RBFOX1: variants seen among roughly 807,000 people sequenced by gnomAD.
RBFOX1 encodes RNA binding fox-1 homolog 1, also known as RNA binding protein fox-1 homolog 1.
RBFOX1 carries 8 observed loss-of-function variants against 57.7 expected under a neutral mutation model. The observed-to-expected ratio is 0.14, with a 90% confidence interval of 0.08 to 0.25. RBFOX1 has a LOEUF of 0.25. Ranked by LOEUF, RBFOX1 falls within the 10% of genes least tolerant of loss-of-function variation. The pLI is 1.00. For synonymous variants in RBFOX1, 326 were observed against 222.4 expected, an observed-to-expected ratio of 1.47 and a Z score of -4.15; for missense variants, 611 against 548.5, an observed-to-expected ratio of 1.11 and a Z score of -1.14.
At chr16:5,517,734 C>T (rs1268964698) in intron 2 of RBFOX1, among the ~76,000 whole-genome samples, 1 of 152,142 alleles carries the variant, frequency 6.6e-6, no homozygotes, top group East Asian at 1.9e-4. Context: ...TTTTTCTTTC[C>T]TTGTTTACTT....
intron 4 of RBFOX1, among the ~76,000 whole-genome samples, chr16:7,184,798 T>C (rs1156841481): frequency 6.6e-6 from 1 of 152,212 alleles, no homozygotes. Context: ...TGTGCCTCTA[T>C]GTATCAACTC....
At chr16:5,555,416 A>C (rs551462106) in intron 2 of RBFOX1, among the ~76,000 whole-genome samples, 1 of 151,486 alleles carries the variant, frequency 6.6e-6, no homozygotes, top group South Asian at 2.1e-4. Context: ...AGGCCTGGCA[A>C]ATTTTTGTAT....
At chr16:5,446,654 G>A (rs957725286) in intron 1 of RBFOX1, among the ~76,000 whole-genome samples, 1 of 152,108 alleles carries the variant, frequency 6.6e-6, no homozygotes, top group Admixed American at 6.5e-5. Context: ...AGATGGGGGT[G>A]TGAGAGGGGA....
At chr16:6,691,883 T>A (rs1343340936) in intron 3 of RBFOX1, among the ~76,000 whole-genome samples, 3 of 152,028 alleles carry the variant, frequency 2.0e-5, no homozygotes, top group Non-Finnish European at 4.4e-5. Flanking sequence ...AGTGGAAGAA[T>A]GGTCAGAAAG....
At chr16:7,563,899 C>T (rs947309683) in intron 5 of RBFOX1, among the ~76,000 whole-genome samples, 1 of 152,156 alleles carries the variant, frequency 6.6e-6, no homozygotes, top group African/African-American at 2.4e-5. Flanking sequence ...TCCAACCCTG[C>T]CCACTGTACC....
chr16:7,671,640 T>C lies in RBFOX1; in HGVS notation c.931-5134T>C. ...TGGTGGAGAAACTCATCACTATGAT[T>C]GTGGGTTTGCTGTGAAATCCTTACT... On this transcript the variant is annotated intron_variant, in intron 13 of 15. Coordinates refer to ENST00000550418, the MANE Select transcript of RBFOX1 (RefSeq NM_018723.4). The C allele has an allele frequency of 1.9e-6, 3 of 1,568,994 alleles. 1 individual carries two copies. Among genetic ancestry groups the C allele is most frequent in the Middle Eastern group, 3.3e-4 (2 of 5,982 alleles).
chr16:5,332,498 A>T (rs2151276987), intron 1 of RBFOX1, among the ~76,000 whole-genome samples: 1 of 152,204 alleles, frequency 6.6e-6, no homozygotes, highest in South Asian at 2.1e-4. Flanking sequence ...TTCTGGCCTC[A>T]TGTGATCTGC....
chr16:5,515,446 C>A (rs1053567204), intron 2 of RBFOX1, among the ~76,000 whole-genome samples: 1 of 152,190 alleles, frequency 6.6e-6, no homozygotes, highest in African/African-American at 2.4e-5. Context: ...GGTGTTTTGT[C>A]CTCCCAGGAG....
chr16:5,252,962 T>G (rs2062489900), intron 1 of RBFOX1, among the ~76,000 whole-genome samples: 1 of 152,306 alleles, frequency 6.6e-6, no homozygotes, highest in South Asian at 2.1e-4. Flanking sequence ...CTTGTTCACA[T>G]GCACGCAGCC....
intron 3 of RBFOX1, among the ~76,000 whole-genome samples, chr16:7,001,342 C>G (rs939257359): frequency 4.0e-5 from 6 of 149,986 alleles, no homozygotes; most frequent in Non-Finnish European, 7.4e-5. Context: ...CTGGCCCTGA[C>G]TCTGTGTGTG....
chr16:7,533,069 G>A (rs1009336453), intron 5 of RBFOX1, among the ~76,000 whole-genome samples: 1 of 152,188 alleles, frequency 6.6e-6, no homozygotes, highest in East Asian at 1.9e-4. Flanking sequence ...TGTGTCATCC[G>A]TCCCCTCTGA....
chr16:6,171,974 T>G (rs1016707540), intron 1 of RBFOX1, among the ~76,000 whole-genome samples: 1 of 151,928 alleles, frequency 6.6e-6, no homozygotes, highest in Middle Eastern at 3.2e-3. Flanking sequence ...GGTGCATGCC[T>G]CCACGCTTGG....
chr16:7,067,069 C>G (rs1472778108), intron 4 of RBFOX1, among the ~76,000 whole-genome samples: 1 of 152,134 alleles, frequency 6.6e-6, no homozygotes, highest in Non-Finnish European at 1.5e-5. Context: ...GCTGAAGGGA[C>G]ACACACAGAA....
intron 4 of RBFOX1, among the ~76,000 whole-genome samples, chr16:7,334,510 G>A (rs981086880): frequency 2.0e-5 from 3 of 152,094 alleles, no homozygotes; most frequent in African/African-American, 4.8e-5. Flanking sequence ...CAGGCAAATC[G>A]TGGCCTTCAC....
chr16:7,221,156 A>G (rs2092697709), intron 4 of RBFOX1, among the ~76,000 whole-genome samples: 1 of 151,996 alleles, frequency 6.6e-6, no homozygotes, highest in Non-Finnish European at 1.5e-5. Flanking sequence ...TCTCTATAAT[A>G]TCTCCCTGTG....
chr16:7,395,502 G>A (rs532071943), intron 4 of RBFOX1, among the ~76,000 whole-genome samples: 9 of 152,284 alleles, frequency 5.9e-5, no homozygotes, highest in South Asian at 2.1e-4. Context: ...AAATTGTTTT[G>A]TTGGACGGAA....
rs2097460106 is a variant in RBFOX1 at position 6,231,502 on chromosome 16, G to A, written c.-126-85493G>A. On this transcript the variant is annotated intron_variant, in intron 1 of 15. Coordinates refer to ENST00000550418, the MANE Select transcript of RBFOX1 (RefSeq NM_018723.4). ...TTGAGGAGCACCAGATGGGGAGTAA[G>A]ATTTGGCTTCTCATGTTGGCATTAA... 1.3e-5 allele frequency among the ~76,000 whole-genome samples: 2 copies of A among 152,300 alleles called. 1 individual carries two copies. Among genetic ancestry groups the A allele is most frequent in the South Asian group, 4.1e-4 (2 of 4,828 alleles).
chr16:7,588,953 C>T (rs1449728475), intron 7 of RBFOX1, among the ~76,000 whole-genome samples: 1 of 152,176 alleles, frequency 6.6e-6, no homozygotes, highest in African/African-American at 2.4e-5. Flanking sequence ...ATCCCTTACA[C>T]TTTGTGATAA....
intron 4 of RBFOX1, among the ~76,000 whole-genome samples, chr16:5,958,563 G>A (rs1289576658): frequency 6.6e-6 from 1 of 152,218 alleles, no homozygotes; most frequent in Non-Finnish European, 1.5e-5. Flanking sequence ...ATAAGAGCAG[G>A]TGAGGATTTA....
Sources: allele counts gnomAD v4.1 joint callset (sites outside exome capture counted in the v4.1 genomes callset), GRCh38; gene constraint gnomAD v4.1.1; transcripts MANE v1.5; gene names NCBI Gene and HGNC (gene_info 2026-07-23, HGNC 2026-07-21).